The following NRXN3 variants were observed in gnomAD, a reference collection of about 807,000 sequenced individuals.
NRXN3 encodes neurexin 3, also known as neurexin III.
A neutral mutation model predicts 137.6 loss-of-function variants in NRXN3; 32 were observed. That is an observed-to-expected ratio of 0.23 (90% confidence interval 0.18 to 0.31). The LOEUF (loss-of-function observed/expected upper bound fraction) is 0.31, where lower values mean the gene tolerates loss of function less well. NRXN3 is among the 10% of genes least tolerant of loss of function. The pLI is 1.00. For missense variants in NRXN3, 1,574 were observed against 2,062.5 expected (o/e 0.76, Z 4.59); for synonymous variants, 798 against 784.5 (o/e 1.02, Z -0.29).
intron 4 of NRXN3, among the ~76,000 whole-genome samples, chr14:78,376,986 C>G (rs562631306): frequency 1.5e-4 from 23 of 152,042 alleles, no homozygotes; most frequent in African/African-American, 5.5e-4. Context: ...AAAAATTATT[C>G]AAGTAATCAA....
At chr14:78,426,160 G>T (rs898847631) in intron 4 of NRXN3, among the ~76,000 whole-genome samples, 1 of 152,184 alleles carries the variant, frequency 6.6e-6, no homozygotes, top group Non-Finnish European at 1.5e-5. Flanking sequence ...CAAAGGCCAG[G>T]TGGGAGAGGA....
chr14:79,098,084 C>G (rs1021939159), intron 15 of NRXN3, among the ~76,000 whole-genome samples: 9 of 152,126 alleles, frequency 5.9e-5, no homozygotes, highest in African/African-American at 2.2e-4. Context: ...ATAACAAGCC[C>G]TTTGAAAAGT....
intron 4 of NRXN3, among the ~76,000 whole-genome samples, chr14:78,448,460 A>G (rs562253445): frequency 2.0e-5 from 3 of 152,348 alleles, no homozygotes; most frequent in African/African-American, 7.2e-5. Context: ...AAATCTGGAA[A>G]GAACAAGTTG....
At chr14:78,993,878 C>A (rs949792548) in intron 15 of NRXN3, among the ~76,000 whole-genome samples, 1 of 102,990 alleles carries the variant, frequency 9.7e-6, no homozygotes, top group Non-Finnish European at 1.8e-5. Context: ...GAGACAGAAT[C>A]TCTCTCTGTT....
At chr14:79,305,211 C>A (rs1381111520) in intron 15 of NRXN3, among the ~76,000 whole-genome samples, 1 of 152,026 alleles carries the variant, frequency 6.6e-6, no homozygotes, top group Admixed American at 6.6e-5. Context: ...TATTTATGAG[C>A]TAATATGTGT....
intron 15 of NRXN3, among the ~76,000 whole-genome samples, chr14:79,282,110 A>G (rs1296755722): frequency 1.3e-5 from 2 of 152,054 alleles, no homozygotes; most frequent in South Asian, 4.2e-4. Context: ...GGCTCCCTTA[A>G]AAAAGAAAGA....
chr14:78,443,096 CT>C (rs1422857791), intron 4 of NRXN3, among the ~76,000 whole-genome samples: 3 of 152,154 alleles, frequency 2.0e-5, no homozygotes, highest in African/African-American at 7.2e-5. Context: ...ACATAATATT[CT>C]TTGATTATGA....
intron 16 of NRXN3, among the ~76,000 whole-genome samples, chr14:79,496,508 C>G (rs1001515069): frequency 6.6e-6 from 1 of 152,038 alleles, no homozygotes; most frequent in Non-Finnish European, 1.5e-5. Flanking sequence ...AGGATTTTGC[C>G]GCAGGGCTGT....
chr14:79,104,093 G>A (rs973532737), intron 15 of NRXN3, among the ~76,000 whole-genome samples: 8 of 152,146 alleles, frequency 5.3e-5, no homozygotes, highest in Admixed American at 2.0e-4. Context: ...CATCTGAAAC[G>A]TTTTTGTTAT....
At chr14:79,306,270 C>T (rs2086048895) in intron 15 of NRXN3, among the ~76,000 whole-genome samples, 1 of 152,074 alleles carries the variant, frequency 6.6e-6, no homozygotes, top group African/African-American at 2.4e-5. Flanking sequence ...TTCATTCCCC[C>T]TGAAGACAAC....
intron 8 of NRXN3, among the ~76,000 whole-genome samples, chr14:78,786,808 T>G (rs1156457588): frequency 6.6e-6 from 1 of 152,192 alleles, no homozygotes; most frequent in East Asian, 1.9e-4. Context: ...TTTTTCCTGA[T>G]TTTGGAAGCA....
intron 10 of NRXN3, among the ~76,000 whole-genome samples, chr14:78,953,948 T>A (rs1325141102): frequency 6.6e-6 from 1 of 152,232 alleles, no homozygotes. Context: ...TTCTTCTTTT[T>A]GTCTGAACCA....
At chr14:79,365,972 T>C (rs2153426426) in intron 15 of NRXN3, among the ~76,000 whole-genome samples, 1 of 152,184 alleles carries the variant, frequency 6.6e-6, no homozygotes, top group South Asian at 2.1e-4. Flanking sequence ...ACATCTATTA[T>C]GTGACTAGTA....
intron 17 of NRXN3, among the ~76,000 whole-genome samples, chr14:79,690,506 TTTC>T (rs2098712638): frequency 6.6e-6 from 1 of 152,132 alleles, no homozygotes; most frequent in South Asian, 2.1e-4. Flanking sequence ...GCATTTTATT[TTTC>T]AATACATTAA....
chr14:79,382,276 T>TA, intron 15 of NRXN3, among the ~76,000 whole-genome samples: 1 of 152,202 alleles, frequency 6.6e-6, no homozygotes, highest in African/African-American at 2.4e-5. Flanking sequence ...CAATTTTGGG[T>TA]AAAAAAGGCA....
rs185399535 is a variant in NRXN3, at chr14:78,291,954, C to T, written c.728-5877C>T. On this transcript the variant is annotated intron_variant, in intron 3 of 20. Transcript: ENST00000335750. ...CTTGTGAGTGACTTCCTTCCTTCCCCGAAATGCTTTTGCCAATTACCCAGC... is the reference window on the plus strand; with the variant it reads ...CTTGTGAGTGACTTCCTTCCTTCCCTGAAATGCTTTTGCCAATTACCCAGC... Among the ~76,000 whole-genome samples, 151 of 152,070 alleles carry T rather than the reference C, an allele frequency of 9.9e-4. 1 individual carries two copies. The highest frequency in any genetic ancestry group is 3.5e-3 in the African/African-American group (143 of 41,448).
At chr14:78,600,491 G>T (rs988635858) in intron 4 of NRXN3, among the ~76,000 whole-genome samples, 1 of 152,198 alleles carries the variant, frequency 6.6e-6, no homozygotes, top group Non-Finnish European at 1.5e-5. Flanking sequence ...CCAAGAGGTA[G>T]ATCTGCTTTA....
chr14:78,728,661 A>G (rs1460789993), intron 8 of NRXN3, among the ~76,000 whole-genome samples: 1 of 151,934 alleles, frequency 6.6e-6, no homozygotes, highest in Non-Finnish European at 1.5e-5. Flanking sequence ...GCTTTGGGAG[A>G]TAGAGGTGGG....
intron 15 of NRXN3, among the ~76,000 whole-genome samples, chr14:79,350,131 A>G (rs1298345140): frequency 6.6e-6 from 1 of 152,232 alleles, no homozygotes; most frequent in Non-Finnish European, 1.5e-5. Flanking sequence ...AACTATTTTC[A>G]TGGAACGTCA....
Sources: allele counts gnomAD v4.1 joint callset (sites outside exome capture counted in the v4.1 genomes callset), GRCh38; gene constraint gnomAD v4.1.1; transcripts MANE v1.5; gene names NCBI Gene and HGNC (gene_info 2026-07-23, HGNC 2026-07-21).